Variants in RPS6KB1 observed in about 807,000 individuals in gnomAD.
RPS6KB1 encodes the protein ribosomal protein S6 kinase beta-1.
Under a neutral mutation model 70.2 loss-of-function variants are expected in RPS6KB1, and 12 were observed. The observed-to-expected ratio is 0.17, with a 90% CI of 0.11 to 0.28. The LOEUF is 0.28. RPS6KB1 is among the 10% of genes least tolerant of loss of function. RPS6KB1 has a pLI of 1.00. For missense variants in RPS6KB1, 270 were observed against 646.6 expected, an observed-to-expected ratio of 0.42 and a Z score of 6.32; for synonymous variants, 175 against 211.2, an observed-to-expected ratio of 0.83 and a Z score of 1.49.
Position 59,934,730 on chromosome 17 carries a change from A to C in RPS6KB1, c.870+206A>C. ...CATTTTCTTTTAAATGATCTATGTC[A>C]TGGCAGGCCTGTGAAATAGATGTTG... On this transcript the variant is annotated intron_variant, in intron 9 of 14. Transcript: ENST00000225577. The surrounding 1 kb of genome is among the most constrained non-coding windows in gnomAD (Gnocchi z 4.8). 1 of 521,952 alleles carries C rather than the reference A, an allele frequency of 1.9e-6. No homozygotes were observed. Among genetic ancestry groups the C allele is most frequent in the East Asian group, 3.1e-5 (1 of 32,776 alleles). The allele number at this position is 521,952 out of a possible 1,614,324, so 32.3% of individuals were successfully genotyped here.
intron 1 of RPS6KB1, among the ~76,000 whole-genome samples, chr17:59,899,478 T>C (rs1421608496): frequency 1.3e-5 from 2 of 152,110 alleles, no homozygotes; most frequent in African/African-American, 4.8e-5. Context: ...CATGGTCCAG[T>C]CTTAACTACT....
chr17:59,909,708 C>A (rs1052333100), intron 1 of RPS6KB1, among the ~76,000 whole-genome samples: 2 of 151,698 alleles, frequency 1.3e-5, no homozygotes, highest in Non-Finnish European at 2.9e-5. Flanking sequence ...GAAACCCCAT[C>A]TCTACTAAAA....
intron 4 of RPS6KB1, among the ~76,000 whole-genome samples, chr17:59,917,173 C>T (rs980970115): frequency 6.6e-5 from 10 of 152,020 alleles, no homozygotes; most frequent in African/African-American, 2.4e-5. Context: ...GACAGGAGTG[C>T]GGTGACACAA....
intron 12 of RPS6KB1, among the ~76,000 whole-genome samples, chr17:59,936,955 G>A (rs541251966): frequency 3.9e-5 from 6 of 152,218 alleles, no homozygotes; most frequent in Admixed American, 2.6e-4. Context: ...ACCTCCCCAG[G>A]CTCAGGTGAT....
At chr17:59,904,399 C>A (rs1450526668) in intron 1 of RPS6KB1, among the ~76,000 whole-genome samples, 1 of 148,700 alleles carries the variant, frequency 6.7e-6, no homozygotes, top group South Asian at 2.1e-4. Context: ...CTTTATGTAT[C>A]ATTTTTGTTT....
chr17:59,902,370 G>T (rs962334412), intron 1 of RPS6KB1, among the ~76,000 whole-genome samples: 9 of 151,984 alleles, frequency 5.9e-5, no homozygotes, highest in African/African-American at 1.7e-4. Context: ...CTCTCAAAGT[G>T]CTGGGATTAC....
At chr17:59,897,693 A>G (rs1199507713) in intron 1 of RPS6KB1, among the ~76,000 whole-genome samples, 2 of 152,210 alleles carry the variant, frequency 1.3e-5, no homozygotes, top group South Asian at 2.1e-4. Context: ...AAGGCCGGGC[A>G]CAGTGGCTCA....
intron 1 of RPS6KB1, among the ~76,000 whole-genome samples, chr17:59,909,226 C>CTTTT: frequency 1.3e-5 from 1 of 78,126 alleles, no homozygotes; most frequent in Non-Finnish European, 2.4e-5. Context: ...CCGCACGTGG[C>CTTTT]TTTTTTTTTT....
chr17:59,913,045 T>C (rs182831149), intron 3 of RPS6KB1, among the ~76,000 whole-genome samples: 1 of 152,320 alleles, frequency 6.6e-6, no homozygotes, highest in Admixed American at 6.5e-5. Context: ...AATACATAAA[T>C]AGACAACTGT....
At position 59,909,866 on chromosome 17, in the gene RPS6KB1, G is replaced by A. The variant is rs150086025; in HGVS notation, c.142-696G>A. 3.7e-4 allele frequency among the ~76,000 whole-genome samples: 57 copies of A among 152,148 alleles called. No homozygotes were observed. The East Asian group carries it at 0.011, about 29-fold the overall frequency. On this transcript the variant is annotated intron_variant, in intron 1 of 14. Transcript: ENST00000225577. ...TCTCTACTAAAAATATAAAAAATTA[G>A]CCAGGCATGGTGGCAGGCACCTGTA... is the stretch of plus-strand genomic sequence containing the variant.
chr17:59,906,237 A>C (rs79424623), intron 1 of RPS6KB1, among the ~76,000 whole-genome samples: 7,604 of 152,300 alleles, frequency 0.05, 593 homozygotes, highest in African/African-American at 0.17. Context: ...TCTTTATGCC[A>C]GTACCACACT....
chr17:59,922,709 T>C (rs2043346796), intron 4 of RPS6KB1, among the ~76,000 whole-genome samples: 1 of 151,664 alleles, frequency 6.6e-6, no homozygotes, highest in African/African-American at 2.4e-5. Flanking sequence ...CGCGCCCAGC[T>C]AATTTTTTGT....
chr17:59,914,105 G>C (rs1414545791), intron 3 of RPS6KB1, among the ~76,000 whole-genome samples: 2 of 152,204 alleles, frequency 1.3e-5, no homozygotes, highest in Non-Finnish European at 2.9e-5. Context: ...TGTAGATTCA[G>C]AGGGCCAAGT....
intron 12 of RPS6KB1, among the ~76,000 whole-genome samples, chr17:59,938,191 G>C (rs868692185): frequency 9.8e-5 from 14 of 143,326 alleles, no homozygotes; most frequent in South Asian, 2.2e-4. Context: ...TTTTGGGGGG[G>C]GGATAGGGTC....
In RPS6KB1 at chr17:59,893,393, C is replaced by T. The variant is rs1438931198; in HGVS notation, c.141+68C>T. On this transcript the variant is annotated intron_variant, in intron 1 of 14. Coordinates refer to ENST00000225577, the MANE Select transcript of RPS6KB1 (RefSeq NM_003161.4). This position sits in a 1 kb window ranked among gnomAD's most constrained non-coding sequence, Gnocchi z 4.1. Reference sequence around the variant, plus strand: ...GGCGGCGGCGCGGGCTCAGGAAGCGCGGTGTGTCCTAGAGCGTGGAGACCC... The same window carrying T: ...GGCGGCGGCGCGGGCTCAGGAAGCGTGGTGTGTCCTAGAGCGTGGAGACCC... 1 of 1,495,102 alleles carries T rather than the reference C, an allele frequency of 6.7e-7. No individual in the cohort carries two copies. The highest frequency in any genetic ancestry group is 1.4e-5 in the African/African-American group (1 of 72,138). The allele number at this position is 1,495,102 out of a possible 1,614,324, so 92.6% of individuals were successfully genotyped here.
intron 1 of RPS6KB1, among the ~76,000 whole-genome samples, chr17:59,894,754 G>A (rs752904597): frequency 6.6e-5 from 10 of 151,888 alleles, no homozygotes; most frequent in East Asian, 1.9e-4. Flanking sequence ...ACAGGCATGC[G>A]CCACCACATC....
At chr17:59,927,507 C>CT (rs749733289) in intron 5 of RPS6KB1, among the ~76,000 whole-genome samples, 265 of 142,314 alleles carry the variant, frequency 1.9e-3, no homozygotes, top group Admixed American at 2.5e-3. Context: ...ATTGGAAAAA[C>CT]TTTTTTTTTT....
At position 59,893,719 on chromosome 17, in the gene RPS6KB1, G is replaced by A. The variant is rs2041300401; in HGVS notation, c.141+394G>A. 1 of 956,292 alleles carries A rather than the reference G, an allele frequency of 1.0e-6. No homozygotes were observed. Among genetic ancestry groups the A allele is most frequent in the African/African-American group, 1.8e-5 (1 of 56,594 alleles). The allele number at this position is 956,292 out of a possible 1,614,324, so 59.2% of individuals were successfully genotyped here. A position where few individuals can be genotyped will look rare whatever the true frequency, so the allele number is the denominator to read the frequency against. ...GGCGAAGTGTGGAGGGTTTCCCTTC[G>A]AGTCTAGAATTTCAAGTATTGAATC... On this transcript the variant is annotated intron_variant, in intron 1 of 14. Coordinates refer to ENST00000225577, the MANE Select transcript of RPS6KB1 (RefSeq NM_003161.4). The surrounding 1 kb of genome is among the most constrained non-coding windows in gnomAD (Gnocchi z 4.1).
intron 13 of RPS6KB1, among the ~76,000 whole-genome samples, chr17:59,942,016 G>A (rs1336710064): frequency 2.0e-5 from 3 of 152,070 alleles, no homozygotes; most frequent in East Asian, 3.9e-4. Flanking sequence ...CCGCCACCAC[G>A]CCAGGCTAAT....
Sources: allele counts gnomAD v4.1 joint callset (sites outside exome capture counted in the v4.1 genomes callset), GRCh38; gene constraint gnomAD v4.1.1; non-coding constraint Gnocchi (gnomAD v3.1); transcripts MANE v1.5; gene names NCBI Gene and HGNC (gene_info 2026-07-23, HGNC 2026-07-21).